NGEF: variants seen among roughly 807,000 people sequenced by gnomAD.
NGEF encodes the protein neuronal guanine nucleotide exchange factor, also known as ephexin-1.
In NGEF, 31 loss-of-function variants were observed where a neutral mutation model predicts 80.9. That is an observed-to-expected ratio of 0.38 (90% CI 0.29 to 0.52). The LOEUF (loss-of-function observed/expected upper bound fraction) is 0.52. Among genes scored for constraint, NGEF ranks in the 20% least tolerant of loss-of-function variants. NGEF has a pLI of 0.84. For synonymous variants in NGEF, 371 were observed against 370.2 expected (o/e 1.00, Z -0.03); for missense variants, 709 against 926.2 (o/e 0.77, Z 3.04).
At chr2:233,000,461 C>T (rs1694948054) in intron 1 of NGEF, among the ~76,000 whole-genome samples, 1 of 151,818 alleles carries the variant, frequency 6.6e-6, no homozygotes, top group Non-Finnish European at 1.5e-5. Context: ...CTGGTTTAAA[C>T]CTAAATGCCG....
At chr2:232,886,485 C>T (rs115604119) in intron 9 of NGEF, among the ~76,000 whole-genome samples, 3,566 of 152,286 alleles carry the variant, frequency 0.023, 161 homozygotes, top group African/African-American at 0.08. Context: ...CTGTTTAGGG[C>T]GAGCTGCAGC....
intron 1 of NGEF, among the ~76,000 whole-genome samples, chr2:233,004,891 C>A (rs1695055008): frequency 6.6e-6 from 1 of 152,004 alleles, no homozygotes; most frequent in Admixed American, 6.6e-5. Flanking sequence ...ATGGTTACAC[C>A]AAAAGCCCAG....
chr2:232,993,096 T>A (rs1353737512), intron 1 of NGEF, among the ~76,000 whole-genome samples: 1 of 40,972 alleles, frequency 2.4e-5, no homozygotes, highest in Non-Finnish European at 5.4e-5. Flanking sequence ...AATATATATA[T>A]AAATAAATAA....
At chr2:232,996,699 T>G (rs1472499989) in intron 1 of NGEF, among the ~76,000 whole-genome samples, 1 of 152,158 alleles carries the variant, frequency 6.6e-6, no homozygotes, top group Middle Eastern at 3.2e-3. Context: ...TTCACCATAT[T>G]GGCCAGGCTG....
intron 1 of NGEF, among the ~76,000 whole-genome samples, chr2:232,991,694 G>A (rs1694653807): frequency 6.6e-6 from 1 of 152,060 alleles, no homozygotes; most frequent in African/African-American, 2.4e-5. Context: ...TATTCAACAC[G>A]ACTTGATTAA....
At chr2:232,962,239 G>GAA (rs2106314923) in intron 3 of NGEF, among the ~76,000 whole-genome samples, 1 of 152,296 alleles carries the variant, frequency 6.6e-6, no homozygotes, top group African/African-American at 2.4e-5. Flanking sequence ...CGTGACTATT[G>GAA]AAAAGAAAGA....
intron 3 of NGEF, among the ~76,000 whole-genome samples, chr2:232,943,715 T>A (rs1693490143): frequency 6.6e-6 from 1 of 150,412 alleles, no homozygotes. Flanking sequence ...CAGGTTGGTC[T>A]CAATCTCCTG....
At chr2:232,890,500 A>G (rs981478972) in intron 8 of NGEF, among the ~76,000 whole-genome samples, 1 of 151,612 alleles carries the variant, frequency 6.6e-6, no homozygotes, top group African/African-American at 2.4e-5. Context: ...TCTCCCTTTA[A>G]CTCTGACCTC....
At chr2:232,913,064 G>C (rs1025803203) in intron 5 of NGEF, among the ~76,000 whole-genome samples, 2 of 151,900 alleles carry the variant, frequency 1.3e-5, no homozygotes, top group Non-Finnish European at 2.9e-5. Context: ...TCTTTTCCTA[G>C]CCCAGTTTCT....
At chr2:232,886,789 T>G (rs980093348) in intron 9 of NGEF, among the ~76,000 whole-genome samples, 8 of 152,232 alleles carry the variant, frequency 5.3e-5, no homozygotes, top group African/African-American at 1.9e-4. Context: ...TGGCCCCGTG[T>G]GGCTGCTGTC....
chr2:232,951,175 C>T (rs1693673128), intron 3 of NGEF, among the ~76,000 whole-genome samples: 1 of 152,194 alleles, frequency 6.6e-6, no homozygotes. Context: ...CCCAGATGGA[C>T]AGACACCAGG....
chr2:233,005,307 G>A (rs1475621152), intron 1 of NGEF, among the ~76,000 whole-genome samples: 1 of 152,190 alleles, frequency 6.6e-6, no homozygotes, highest in African/African-American at 2.4e-5. Context: ...AGAGTGCAGT[G>A]GGGGAGCAGT....
At chr2:232,893,310 G>A (rs1691942572) in intron 6 of NGEF, among the ~76,000 whole-genome samples, 1 of 152,206 alleles carries the variant, frequency 6.6e-6, no homozygotes, top group African/African-American at 2.4e-5. Context: ...GTGCTGATGT[G>A]TTTGAGGATA....
chr2:232,883,063 ACACACACACACACACACACG>A (rs1691561980), intron 12 of NGEF, among the ~76,000 whole-genome samples: 1 of 95,360 alleles, frequency 1.0e-5, no homozygotes, highest in East Asian at 2.6e-4. Flanking sequence ...ACACACACAC[ACACACACACACACACACACG>A]CACACACGCA....
chr2:233,005,293 A>G (rs912298416), intron 1 of NGEF, among the ~76,000 whole-genome samples: 4 of 152,194 alleles, frequency 2.6e-5, no homozygotes, highest in Admixed American at 6.6e-5. Flanking sequence ...GTGTTCCCAC[A>G]TGGAGAGTGC....
At chr2:232,894,313 C>G (rs1354606997) in intron 6 of NGEF, among the ~76,000 whole-genome samples, 1 of 152,232 alleles carries the variant, frequency 6.6e-6, no homozygotes, top group Non-Finnish European at 1.5e-5. Flanking sequence ...CAGGGCTGCA[C>G]CCTGCACAGG....
chr2:232,935,492 C>T (rs1365449790), intron 3 of NGEF, among the ~76,000 whole-genome samples: 1 of 152,126 alleles, frequency 6.6e-6, no homozygotes, highest in East Asian at 1.9e-4. Flanking sequence ...GTGGCACATG[C>T]CTGTAATTCC....
chr2:232,882,116 C>T (rs1316865284), intron 13 of NGEF, 70 bp downstream of exon 13: 20 of 1,400,934 alleles, frequency 1.4e-5, no homozygotes, highest in African/African-American at 4.2e-5. Flanking sequence ...CAGGGCACAC[C>T]GTGCACCTGC....
chr2:232,947,949 G>A (rs1167016963), intron 3 of NGEF, among the ~76,000 whole-genome samples: 1 of 152,118 alleles, frequency 6.6e-6, no homozygotes, highest in Non-Finnish European at 1.5e-5. Context: ...AAAACGTATT[G>A]ACACATACTT....
Sources: allele counts gnomAD v4.1 joint callset (sites outside exome capture counted in the v4.1 genomes callset), GRCh38; gene constraint gnomAD v4.1.1; transcripts MANE v1.5; gene names NCBI Gene and HGNC (gene_info 2026-07-23, HGNC 2026-07-21).